Variants in MMP2 observed in about 807,000 individuals in gnomAD.
The protein encoded by MMP2 is 72 kDa type IV collagenase.
MMP2 carries 39 observed loss-of-function variants against 74.8 expected under a neutral mutation model. The ratio of observed to expected loss-of-function variants is 0.52; its 90% CI spans 0.40 to 0.68. The LOEUF (loss-of-function observed/expected upper bound fraction) is 0.68. Among genes scored for constraint, MMP2 ranks in the 30% least tolerant of loss-of-function variants. The pLI is 0.00. For missense variants in MMP2, 803 were observed against 878.3 expected (o/e 0.91, Z 1.08); for synonymous variants, 367 against 339.8 (o/e 1.08, Z -0.88).
intron 10 of MMP2, among the ~76,000 whole-genome samples, chr16:55,498,034 G>A (rs1962572977): frequency 6.6e-6 from 1 of 152,202 alleles, no homozygotes; most frequent in Non-Finnish European, 1.5e-5. Flanking sequence ...GGCCCTTAGA[G>A]TGCACGACTT....
intron 1 of MMP2, chr16:55,481,760 C>T: frequency 4.3e-6 from 3 of 703,806 alleles, no homozygotes; most frequent in South Asian, 3.1e-5. Flanking sequence ...CATGAACCAA[C>T]CAGCTGGCCT....
At position 55,485,593 on chromosome 16, in the gene MMP2, T is replaced by C; in HGVS notation, c.659-11T>C. 5 of 1,614,106 alleles carry C rather than the reference T, an allele frequency of 3.1e-6. No individual in the cohort carries two copies. Among genetic ancestry groups the C allele is most frequent in the Non-Finnish European group, 4.2e-6 (5 of 1,179,990 alleles). On this transcript the variant is annotated splice_polypyrimidine_tract_variant and intron_variant, in intron 4 of 12. Coordinates refer to ENST00000219070, the MANE Select transcript of MMP2 (RefSeq NM_004530.6). ...AGAAGTCCAACCTCCCCCTTCCATG[T>C]CACTCTTTAGTGGTCCGTGTGAAGT...
chr16:55,479,302 G>C lies in MMP2; in HGVS notation c.-178G>C, dbSNP rs965602247. 3.2e-6 allele frequency: 2 copies of C among 620,350 alleles called. No homozygotes were observed. Among genetic ancestry groups the C allele is most frequent in the Admixed American group, 4.6e-5 (1 of 21,522 alleles). The allele number at this position is 620,350 out of a possible 1,614,324, so 38.4% of individuals were successfully genotyped here. A position where few individuals can be genotyped will look rare whatever the true frequency, so the allele number is the denominator to read the frequency against. On this transcript the variant is annotated 5_prime_UTR_variant, in exon 1 of 13. Coordinates refer to ENST00000219070, the MANE Select transcript of MMP2 (RefSeq NM_004530.6). Reference sequence around the variant, plus strand: ...TGCGGCGGCGGCGGCGGCGGCGGGGGCTGGGGCGCGGGGGCCGGACCATGA... The same window carrying C: ...TGCGGCGGCGGCGGCGGCGGCGGGGCCTGGGGCGCGGGGGCCGGACCATGA...
intron 11 of MMP2, among the ~76,000 whole-genome samples, chr16:55,501,768 C>A (rs1176282471): frequency 3.3e-5 from 5 of 152,054 alleles, no homozygotes; most frequent in African/African-American, 1.2e-4. Context: ...AGGAAGGGAG[C>A]CCCCTAGGAG....
intron 7 of MMP2, among the ~76,000 whole-genome samples, chr16:55,490,603 C>G (rs559885486): frequency 6.6e-6 from 1 of 152,306 alleles, no homozygotes; most frequent in South Asian, 2.1e-4. Flanking sequence ...CCCTGATGGC[C>G]CATAATGGCC....
At chr16:55,484,622 G>C (rs753318541) in intron 3 of MMP2, among the ~76,000 whole-genome samples, 3 of 152,226 alleles carry the variant, frequency 2.0e-5, no homozygotes, top group African/African-American at 7.2e-5. Context: ...GGATGATGCT[G>C]GTAGACACTG....
Position 55,482,915 on chromosome 16 carries a change from C to G in MMP2, c.160C>G (p.Leu54Val), listed in dbSNP as rs754105793. 6.2e-7 allele frequency: 1 copy of G among 1,614,062 alleles called. No homozygotes were observed. The highest frequency in any genetic ancestry group is 1.1e-5 in the South Asian group (1 of 91,080). The change falls in exon 2 of 13, where the codon CTG (leucine) becomes GTG (valine). Residue 54 changes from leucine (L) to valine (V), a missense_variant. Leu to Val is a conservative substitution (Grantham distance 32, BLOSUM62 1). Transcript: ENST00000219070. ...GGGTGTGCATTTCTTTCAGCAATACCTGAACACCTTCTATGGCTGCCCCAA... is the reference window on the plus strand; with the variant it reads ...GGGTGTGCATTTCTTTCAGCAATACGTGAACACCTTCTATGGCTGCCCCAA... ...KTDKELAVQY[L>V]NTFYGCPKES...
rs762803241 is a variant in MMP2, at chr16:55,496,950, A to G, written c.1497A>G (p.Pro499=). ...GGTTCATTTGGCGGACTGTGACGCCACGTGACAAGCCCATGGGGCCCCTGC... is the reference window on the plus strand; with the variant it reads ...GGTTCATTTGGCGGACTGTGACGCCGCGTGACAAGCCCATGGGGCCCCTGC... ...KDRFIWRTVT[P]RDKPMGPLLV... is the part of the protein sequence containing the mutation. The change falls in exon 10 of 13, where the codon CCA becomes CCG. Residue 499 remains proline, a synonymous_variant. Transcript: ENST00000219070. 3.7e-6 allele frequency: 6 copies of G among 1,614,084 alleles called. No homozygotes were observed. Among genetic ancestry groups the G allele is most frequent in the Non-Finnish European group, 5.1e-6 (6 of 1,180,020 alleles).
intron 9 of MMP2, 56 bp downstream of exon 9, chr16:55,493,349 C>A: frequency 6.2e-7 from 1 of 1,609,442 alleles, no homozygotes; most frequent in Non-Finnish European, 8.5e-7. Context: ...TGCTCTTATA[C>A]CATTATTCTT....
At chr16:55,498,784 C>G (rs896283439) in intron 11 of MMP2, among the ~76,000 whole-genome samples, 1 of 152,192 alleles carries the variant, frequency 6.6e-6, no homozygotes, top group Non-Finnish European at 1.5e-5. Context: ...CCTATTGACA[C>G]TATGTGTCAG....
chr16:55,483,981 G>A (rs1413776351), intron 2 of MMP2, 35 bp from the exon 3 acceptor site: 2 of 1,610,380 alleles, frequency 1.2e-6, no homozygotes, highest in Admixed American at 3.3e-5. Flanking sequence ...TTATGCACAT[G>A]CATACACACT....
rs755018203 is a variant in MMP2, at chr16:55,493,172, A to C, written c.1351A>C (p.Ile451Leu). ...GTTCTCCCCAGGGGCCTCTCCTGACATTGACCTTGGCACCGGCCCCACCCC... is the reference window on the plus strand; with the variant it reads ...GTTCTCCCCAGGGGCCTCTCCTGACCTTGACCTTGGCACCGGCCCCACCCC... ...IQELYGASPD[I>L]DLGTGPTPTL... Residue 451 changes from isoleucine to leucine, a missense_variant, in exon 9 of 13, where the codon ATT becomes CTT. This residue lies in a region of MMP2 where 555 missense variants were observed against 592.0 expected (regional missense o/e 0.94). Coordinates refer to ENST00000219070, the MANE Select transcript of MMP2 (RefSeq NM_004530.6). The C allele has an allele frequency of 2.5e-6, 4 of 1,613,876 alleles. No homozygotes were observed. In the African/African-American group the frequency reaches 5.3e-5, roughly 22 times the overall value.
intron 9 of MMP2, among the ~76,000 whole-genome samples, 200 bp downstream of exon 9, chr16:55,493,493 G>C (rs1210408844): frequency 6.6e-6 from 1 of 152,178 alleles, no homozygotes; most frequent in Non-Finnish European, 1.5e-5. Context: ...CTCTCTCATA[G>C]TCTGTGGGTC....
At chr16:55,481,538 G>T in intron 1 of MMP2, 1 of 301,334 alleles carries the variant, frequency 3.3e-6, no homozygotes, top group Non-Finnish European at 6.1e-6. Context: ...CCAACCTCCT[G>T]TCTCATTCTG....
intron 12 of MMP2, among the ~76,000 whole-genome samples, chr16:55,503,894 T>TGTCA (rs1962731051): frequency 6.6e-6 from 1 of 152,178 alleles, no homozygotes; most frequent in Non-Finnish European, 1.5e-5. Flanking sequence ...GGTTCACACC[T>TGTCA]GTCATCCCAG....
chr16:55,503,748 A>G (rs1342436263), intron 12 of MMP2, among the ~76,000 whole-genome samples: 29 of 152,202 alleles, frequency 1.9e-4, no homozygotes, highest in Admixed American at 1.9e-3. Context: ...AAATGAGTAA[A>G]GCAGGCAGGG....
intron 1 of MMP2, among the ~76,000 whole-genome samples, chr16:55,480,208 C>T (rs570505153): frequency 6.6e-6 from 1 of 152,192 alleles, no homozygotes; most frequent in Admixed American, 6.5e-5. Context: ...TAGGAACCTT[C>T]GGCACAGATC....
At chr16:55,500,590 G>T (rs1438041020) in intron 11 of MMP2, among the ~76,000 whole-genome samples, 1 of 150,014 alleles carries the variant, frequency 6.7e-6, no homozygotes, top group Non-Finnish European at 1.5e-5. Flanking sequence ...AGAGTTATTT[G>T]CCTCCCAGTC....
intron 10 of MMP2, among the ~76,000 whole-genome samples, chr16:55,497,291 C>T (rs1596823982): frequency 6.6e-6 from 1 of 151,986 alleles, no homozygotes; most frequent in East Asian, 1.9e-4. Flanking sequence ...TCAGTGTACA[C>T]ATTTCATTTT....
Sources: gnomAD v4.1 joint callset for allele counts (sites outside exome capture counted in the v4.1 genomes callset) on GRCh38, gnomAD v4.1.1 for gene constraint, gnomAD v4.1.1 regional missense constraint, MANE v1.5 for transcripts, NCBI Gene and HGNC (gene_info 2026-07-23, HGNC 2026-07-21) for gene names.